Variants in LIPJ observed in about 807,000 individuals in gnomAD.
LIPJ encodes the protein lipase family member J, also known as lipase member J.
In LIPJ, 33 loss-of-function variants were observed where a neutral mutation model predicts 39.8. The ratio of observed to expected loss-of-function variants is 0.83; its 90% CI spans 0.63 to 1.11. LIPJ has a LOEUF of 1.11. Among genes scored for constraint, LIPJ ranks in the 50% least tolerant of loss-of-function variants. LIPJ has a pLI of 0.00. For missense variants in LIPJ, 422 were observed against 427.9 expected (o/e 0.99, Z 0.12); for synonymous variants, 128 against 139.2 (o/e 0.92, Z 0.57).
At chr10:88,584,978 T>C (rs1441054603), upstream of LIPJ, among the ~76,000 whole-genome samples, 1 of 152,172 alleles carries the variant, frequency 6.6e-6, no homozygotes, top group Non-Finnish European at 1.5e-5. Context: ...AAGCAGACAT[T>C]TATCTTGGGG....
At chr10:88,607,686 G>A (rs1277669954), downstream of LIPJ, among the ~76,000 whole-genome samples, 3 of 152,152 alleles carry the variant, frequency 2.0e-5, no homozygotes, top group African/African-American at 7.2e-5. Flanking sequence ...CTAAGATTTG[G>A]AATGAAAGGA....
exon 11 of LIPJ, chr10:88,606,719 G>C (rs1258508403): frequency 6.2e-7 from 1 of 1,613,266 alleles, no homozygotes; most frequent in African/African-American, 1.3e-5. Context: ...TGTGGCAACT[G>C]CAATTTGGAA....
At chr10:88,601,812 G>A (rs1003332278) in intron 8 of LIPJ, among the ~76,000 whole-genome samples, 5 of 151,920 alleles carry the variant, frequency 3.3e-5, no homozygotes, top group Admixed American at 1.3e-4. Context: ...GCTTTTCTTT[G>A]AGTAGGGTTA....
chr10:88,594,640 A>T, intron 5 of LIPJ, 27 bp from the exon 6 acceptor site: 2 of 1,186,896 alleles, frequency 1.7e-6, no homozygotes, highest in Non-Finnish European at 2.4e-6. Flanking sequence ...AGAAAGTGCT[A>T]TTTTTATTTT....
chr10:88,601,640 C>T (rs1197104710), intron 8 of LIPJ, among the ~76,000 whole-genome samples: 1 of 152,168 alleles, frequency 6.6e-6, no homozygotes, highest in Admixed American at 6.5e-5. Flanking sequence ...TTTTTCTTCT[C>T]TTAAGGTTCC....
chr10:88,618,048 G>A, the LIPJ span, among the ~76,000 whole-genome samples: 1 of 151,930 alleles, frequency 6.6e-6, no homozygotes, highest in African/African-American at 2.4e-5. Context: ...AATGCTTTCG[G>A]GCCTGGAAAC....
At chr10:88,617,986 T>C in the LIPJ span, among the ~76,000 whole-genome samples, 1 of 152,264 alleles carries the variant, frequency 6.6e-6, no homozygotes, top group African/African-American at 2.4e-5. Context: ...TAGATGATCT[T>C]ACACTTTTCA....
chr10:88,599,544 T>C (rs1160114100), intron 8 of LIPJ, among the ~76,000 whole-genome samples: 1 of 152,030 alleles, frequency 6.6e-6, no homozygotes, highest in Non-Finnish European at 1.5e-5. Flanking sequence ...TTTCTCTATT[T>C]GGCTTATTTA....
chr10:88,609,542 A>C (rs909545156), downstream of LIPJ, among the ~76,000 whole-genome samples: 5 of 152,196 alleles, frequency 3.3e-5, no homozygotes, highest in Middle Eastern at 3.2e-3. Flanking sequence ...ATCTGGAAAA[A>C]GCATAAAAAG....
At chr10:88,583,090 T>TCCCA, upstream of LIPJ, 8 of 1,613,900 alleles carry the variant, frequency 5.0e-6, no homozygotes, top group Non-Finnish European at 6.8e-6. Flanking sequence ...CTCAGCCTTG[T>TCCCA]CCCACACAGC....
chr10:88,607,730 G>T (rs1019986856), downstream of LIPJ, among the ~76,000 whole-genome samples: 1 of 152,192 alleles, frequency 6.6e-6, no homozygotes, highest in Admixed American at 6.5e-5. Context: ...ATAATAGGAA[G>T]CACGGAATGT....
At chr10:88,583,465 C>T, upstream of LIPJ, 1 of 1,311,998 alleles carries the variant, frequency 7.6e-7, no homozygotes, top group Non-Finnish European at 9.7e-7. Flanking sequence ...CTGCCCCTCG[C>T]CCAGAAAAGC....
downstream of LIPJ, among the ~76,000 whole-genome samples, chr10:88,610,990 C>T (rs540191242): frequency 2.6e-5 from 4 of 152,106 alleles, no homozygotes; most frequent in Admixed American, 6.5e-5. Context: ...GCAGAAAAAC[C>T]GAAGATCCTC....
chr10:88,604,078 A>G (rs1851584099), intron 9 of LIPJ, among the ~76,000 whole-genome samples: 1 of 152,212 alleles, frequency 6.6e-6, no homozygotes, highest in Non-Finnish European at 1.5e-5. Flanking sequence ...AACCATGTCA[A>G]CTTTAAAAAC....
chr10:88,606,822 A>G, exon 11 of LIPJ: 1 of 1,611,912 alleles, frequency 6.2e-7, no homozygotes, highest in Non-Finnish European at 8.5e-7. Context: ...ATTTCTTACT[A>G]CAATCATATA....
intron 8 of LIPJ, 35 bp downstream of exon 8, chr10:88,596,971 T>C (rs1270155210): frequency 8.1e-6 from 10 of 1,228,280 alleles, no homozygotes; most frequent in South Asian, 4.2e-5. Flanking sequence ...ATATATATTT[T>C]CCAATATTTG....
intron 6 of LIPJ, among the ~76,000 whole-genome samples, chr10:88,595,124 A>G (rs563605101): frequency 1.3e-5 from 2 of 151,958 alleles, no homozygotes; most frequent in East Asian, 3.9e-4. Flanking sequence ...AAAATGTAGC[A>G]TAGGATATTA....
intron 2 of LIPJ, among the ~76,000 whole-genome samples, chr10:88,590,075 C>T (rs904816477): frequency 4.6e-5 from 7 of 151,566 alleles, no homozygotes; most frequent in African/African-American, 1.7e-4. Flanking sequence ...CTTAAGAGTT[C>T]TGCCTTCCTA....
intron 8 of LIPJ, among the ~76,000 whole-genome samples, chr10:88,598,128 G>C (rs1217044102): frequency 1.3e-5 from 2 of 151,974 alleles, no homozygotes; most frequent in African/African-American, 2.4e-5. Flanking sequence ...TTCACGCACA[G>C]TGTGTTTGGA....
Sources: gnomAD v4.1 joint callset for allele counts (sites outside exome capture counted in the v4.1 genomes callset) on GRCh38, gnomAD v4.1.1 for gene constraint, MANE v1.5 for transcripts, NCBI Gene and HGNC (gene_info 2026-07-23, HGNC 2026-07-21) for gene names.